Variants in PADI4 observed in about 807,000 individuals in gnomAD.
PADI4 encodes peptidyl arginine deiminase 4.
Under a neutral mutation model 75.0 loss-of-function variants are expected in PADI4, and 62 were observed. The observed-to-expected ratio is 0.83, with a 90% confidence interval of 0.67 to 1.02. The LOEUF (loss-of-function observed/expected upper bound fraction) is 1.02, where lower values mean the gene tolerates loss of function less well. Among genes scored for constraint, PADI4 ranks in the 50% least tolerant of loss-of-function variants. PADI4 has a pLI of 0.00. For synonymous variants in PADI4, 361 were observed against 348.1 expected (o/e 1.04, Z -0.41); for missense variants, 845 against 850.5 (o/e 0.99, Z 0.08).
intron 1 of PADI4, among the ~76,000 whole-genome samples, chr1:17,314,404 C>T (rs372612346): frequency 5.3e-5 from 8 of 152,188 alleles, no homozygotes; most frequent in Admixed American, 1.3e-4. Flanking sequence ...AGTTTTGGTT[C>T]GGCCAGGTAG....
chr1:17,353,030 C>T (rs115480552), intron 10 of PADI4, among the ~76,000 whole-genome samples: 7 of 152,252 alleles, frequency 4.6e-5, no homozygotes, highest in African/African-American at 1.7e-4. Context: ...GAGGGGAAGG[C>T]GAGGCCCGCG....
At chr1:17,328,506 G>T (rs944873567) in intron 1 of PADI4, among the ~76,000 whole-genome samples, 1 of 152,048 alleles carries the variant, frequency 6.6e-6, no homozygotes, top group Admixed American at 6.5e-5. Context: ...AATTAGCTGG[G>T]TGTGGTGGCA....
intron 15 of PADI4, among the ~76,000 whole-genome samples, 166 bp downstream of exon 15, chr1:17,359,574 G>A (rs1196132724): frequency 6.6e-6 from 1 of 152,108 alleles, no homozygotes; most frequent in Non-Finnish European, 1.5e-5. Flanking sequence ...GTCCATGCAC[G>A]TTGGTGTCTT....
At chr1:17,332,823 G>C (rs982733940) in intron 2 of PADI4, among the ~76,000 whole-genome samples, 2 of 152,056 alleles carry the variant, frequency 1.3e-5, no homozygotes, top group African/African-American at 4.8e-5. Flanking sequence ...GGGGGTGGTC[G>C]GGGAAGGCTT....
At chr1:17,314,606 G>A (rs968182337) in intron 1 of PADI4, among the ~76,000 whole-genome samples, 2 of 152,198 alleles carry the variant, frequency 1.3e-5, no homozygotes, top group African/African-American at 2.4e-5. Flanking sequence ...GCAGGTCGAC[G>A]TGATTCCCAT....
At chr1:17,352,801 A>C (rs1304575166) in intron 10 of PADI4, among the ~76,000 whole-genome samples, 1 of 152,192 alleles carries the variant, frequency 6.6e-6, no homozygotes, top group African/African-American at 2.4e-5. Flanking sequence ...TGGGAAGTCA[A>C]GTGAGCGTGG....
At position 17,358,821 on chromosome 1, in the gene PADI4, C is replaced by G; in HGVS notation, c.1559-17C>G. On this transcript the variant is annotated splice_polypyrimidine_tract_variant and intron_variant, in intron 13 of 15. Coordinates refer to ENST00000375448, the MANE Select transcript of PADI4 (RefSeq NM_012387.3). ...CTCTAAGTTCATTTGCCTTTTTTTT[C>G]TTTTTCTCCATGACAGAAAAAAAAC... 6.4e-7 allele frequency: 1 copy of G among 1,559,262 alleles called. No individual in the cohort carries two copies. The highest frequency in any genetic ancestry group is 8.7e-7 in the Non-Finnish European group (1 of 1,143,646).
chr1:17,314,487 C>CAGGAGGAA (rs1213449674), intron 1 of PADI4, among the ~76,000 whole-genome samples: 2 of 152,170 alleles, frequency 1.3e-5, no homozygotes, highest in Non-Finnish European at 2.9e-5. Flanking sequence ...CGGGAACTGC[C>CAGGAGGAA]CCCTGGGCTG....
intron 10 of PADI4, among the ~76,000 whole-genome samples, chr1:17,353,151 T>C (rs542263645): frequency 6.6e-6 from 1 of 152,170 alleles, no homozygotes; most frequent in East Asian, 1.9e-4. Context: ...AGAGAGGAAC[T>C]GGAAGTGTGA....
intron 10 of PADI4, among the ~76,000 whole-genome samples, chr1:17,352,045 CA>C (rs2074655483): frequency 2.7e-5 from 2 of 74,562 alleles, no homozygotes; most frequent in Non-Finnish European, 5.1e-5. Context: ...GGAGGAGAGG[CA>C]GTCAGGGAGG....
chr1:17,355,287 C>T (rs985607888), intron 11 of PADI4, among the ~76,000 whole-genome samples: 1 of 152,218 alleles, frequency 6.6e-6, no homozygotes, highest in Non-Finnish European at 1.5e-5. Flanking sequence ...CACAGTGGCT[C>T]ACACCTGTAA....
At chr1:17,359,966 CTA>C (rs1444182736) in intron 15 of PADI4, among the ~76,000 whole-genome samples, 2 of 152,150 alleles carry the variant, frequency 1.3e-5, no homozygotes, top group African/African-American at 4.8e-5. Context: ...GTGCTAATCA[CTA>C]GTGACAGCAA....
intron 1 of PADI4, among the ~76,000 whole-genome samples, chr1:17,323,421 G>A (rs1198851415): frequency 6.6e-6 from 1 of 152,178 alleles, no homozygotes; most frequent in East Asian, 1.9e-4. Flanking sequence ...GGGAATTACT[G>A]GGGACCATCT....
intron 1 of PADI4, among the ~76,000 whole-genome samples, chr1:17,323,927 G>A (rs1337014310): frequency 6.6e-6 from 1 of 152,000 alleles, no homozygotes; most frequent in African/African-American, 2.4e-5. Flanking sequence ...TGTGGACGGA[G>A]TTCTGCCTCT....
chr1:17,339,011 T>A (rs189864926), intron 5 of PADI4, among the ~76,000 whole-genome samples: 1 of 152,264 alleles, frequency 6.6e-6, no homozygotes, highest in African/African-American at 2.4e-5. Flanking sequence ...AGAGCTGGTA[T>A]AAGCACTGTG....
chr1:17,329,309 G>T (rs1352559633), intron 1 of PADI4, among the ~76,000 whole-genome samples: 1 of 147,784 alleles, frequency 6.8e-6, no homozygotes, highest in South Asian at 2.1e-4. Flanking sequence ...CTGGGCGACA[G>T]TGAGACTCTG....
At chr1:17,314,679 G>T (rs1271603802) in intron 1 of PADI4, among the ~76,000 whole-genome samples, 1 of 152,238 alleles carries the variant, frequency 6.6e-6, no homozygotes, top group Non-Finnish European at 1.5e-5. Context: ...CACAGAGCCT[G>T]TCAGAAGCAG....
intron 1 of PADI4, among the ~76,000 whole-genome samples, chr1:17,324,102 A>G (rs948694685): frequency 2.6e-5 from 4 of 150,966 alleles, no homozygotes; most frequent in Admixed American, 6.6e-5. Flanking sequence ...TCTGCCTAGA[A>G]GTCAAATTGC....
intron 5 of PADI4, among the ~76,000 whole-genome samples, chr1:17,338,644 A>G (rs568827849): frequency 6.6e-6 from 1 of 152,342 alleles, no homozygotes; most frequent in East Asian, 1.9e-4. Flanking sequence ...CCAAGGTCAC[A>G]GCACTGACAC....
Sources: allele counts gnomAD v4.1 joint callset (sites outside exome capture counted in the v4.1 genomes callset), GRCh38; gene constraint gnomAD v4.1.1; transcripts MANE v1.5; gene names NCBI Gene and HGNC (gene_info 2026-07-23, HGNC 2026-07-21).